PARD3: variants seen among roughly 807,000 people sequenced by gnomAD.
The protein encoded by PARD3 is partitioning defective 3 homolog.
In PARD3, 75 loss-of-function variants were observed where a neutral mutation model predicts 155.4. The observed-to-expected ratio is 0.48, with a 90% confidence interval of 0.40 to 0.58. The LOEUF is 0.58. Ranked by LOEUF, PARD3 falls within the 20% of genes least tolerant of loss-of-function variation. PARD3 has a pLI of 0.00. For synonymous variants in PARD3, 576 were observed against 610.5 expected, an observed-to-expected ratio of 0.94 and a Z score of 0.83; for missense variants, 1,642 against 1,721.7, an observed-to-expected ratio of 0.95 and a Z score of 0.82.
intron 2 of PARD3, among the ~76,000 whole-genome samples, chr10:34,596,047 A>AG (rs1196715262): frequency 1.3e-5 from 2 of 152,198 alleles, no homozygotes; most frequent in Admixed American, 6.5e-5. Context: ...AAACAATGGA[A>AG]GTGGGGAAGT....
chr10:34,310,805 G>T (rs1465559799), intron 20 of PARD3, among the ~76,000 whole-genome samples: 5 of 152,150 alleles, frequency 3.3e-5, no homozygotes, highest in African/African-American at 9.7e-5. Context: ...AAGTCCTTAG[G>T]ATTTACAAAT....
chr10:34,416,250 G>A (rs1172608369), intron 5 of PARD3, among the ~76,000 whole-genome samples: 1 of 152,166 alleles, frequency 6.6e-6, no homozygotes, highest in African/African-American at 2.4e-5. Context: ...AAGGAGCAGA[G>A]AGAGCCCCAC....
chr10:34,801,878 C>A (rs1156958873), intron 1 of PARD3, among the ~76,000 whole-genome samples: 1 of 152,154 alleles, frequency 6.6e-6, no homozygotes, highest in East Asian at 1.9e-4. Context: ...CACAGATTAT[C>A]TATTTGAGCT....
intron 20 of PARD3, among the ~76,000 whole-genome samples, chr10:34,305,557 C>T (rs191048731): frequency 4.5e-4 from 68 of 152,358 alleles, no homozygotes; most frequent in African/African-American, 1.5e-3. Context: ...AATTTTAACA[C>T]GAACTCTTTG....
At chr10:34,637,665 C>T (rs563410122) in intron 2 of PARD3, among the ~76,000 whole-genome samples, 2 of 152,324 alleles carry the variant, frequency 1.3e-5, no homozygotes, top group African/African-American at 4.8e-5. Flanking sequence ...CACGCTGCCC[C>T]CCAGTGGGCA....
At chr10:34,404,892 T>C (rs1266600488) in intron 5 of PARD3, among the ~76,000 whole-genome samples, 1 of 152,070 alleles carries the variant, frequency 6.6e-6, no homozygotes. Flanking sequence ...AAGACCAGCC[T>C]GGGCAACGTA....
intron 5 of PARD3, among the ~76,000 whole-genome samples, chr10:34,429,302 CAA>C (rs775095693): frequency 6.6e-6 from 1 of 151,802 alleles, no homozygotes; most frequent in Non-Finnish European, 1.5e-5. Flanking sequence ...GTTTTAGTGA[CAA>C]AGTTACTTCT....
intron 23 of PARD3, among the ~76,000 whole-genome samples, chr10:34,126,816 A>AT (rs1947312386): frequency 6.6e-6 from 1 of 150,444 alleles, no homozygotes; most frequent in African/African-American, 2.5e-5. Flanking sequence ...TTTCTTGAAA[A>AT]TGAAAAAAAA....
At chr10:34,653,951 T>C (rs967023716) in intron 2 of PARD3, among the ~76,000 whole-genome samples, 1 of 152,174 alleles carries the variant, frequency 6.6e-6, no homozygotes, top group Non-Finnish European at 1.5e-5. Context: ...AGAGAAATGT[T>C]TGTGCCCATG....
At chr10:34,509,804 A>G (rs761992539) in intron 3 of PARD3, among the ~76,000 whole-genome samples, 2 of 152,106 alleles carry the variant, frequency 1.3e-5, no homozygotes, top group Non-Finnish European at 2.9e-5. Flanking sequence ...AAAACAACAA[A>G]AAAAAAGCAT....
chr10:34,305,428 C>T (rs1957355684), intron 20 of PARD3, among the ~76,000 whole-genome samples: 1 of 152,248 alleles, frequency 6.6e-6, no homozygotes. Context: ...CTCATTTGCT[C>T]TGCAGCAGCT....
chr10:34,500,640 G>A (rs1417054604), intron 3 of PARD3, among the ~76,000 whole-genome samples: 1 of 152,120 alleles, frequency 6.6e-6, no homozygotes, highest in Non-Finnish European at 1.5e-5. Flanking sequence ...TACTCAGGAG[G>A]CTGAGGTGGG....
At chr10:34,420,773 A>G (rs1213613546) in intron 5 of PARD3, among the ~76,000 whole-genome samples, 1 of 152,232 alleles carries the variant, frequency 6.6e-6, no homozygotes, top group Non-Finnish European at 1.5e-5. Context: ...CAAATATGTA[A>G]GCATTAAATC....
In PARD3 at chr10:34,503,719, T is replaced by TA. The variant is rs2080864344; in HGVS notation, c.403+13259dup. 2.0e-5 allele frequency among the ~76,000 whole-genome samples: 3 copies of TA among 152,306 alleles called. No individual in the cohort carries two copies. The South Asian group carries it at 6.2e-4, about 32-fold the overall frequency. On this transcript the variant is annotated intron_variant, in intron 3 of 24. Transcript: ENST00000374788. ...TGAGGAGGAGTGGGAAAGTGACTTA[T>TA]AGCGGCTGTTTAATCCCTAGGGTAG...
At chr10:34,606,227 A>G (rs2090423617) in intron 2 of PARD3, among the ~76,000 whole-genome samples, 1 of 145,918 alleles carries the variant, frequency 6.9e-6, no homozygotes. Flanking sequence ...TGTCCCTTTA[A>G]TAGAACCCTG....
intron 2 of PARD3, among the ~76,000 whole-genome samples, chr10:34,655,940 C>T (rs1159874559): frequency 2.0e-5 from 3 of 152,156 alleles, no homozygotes; most frequent in Admixed American, 6.5e-5. Context: ...TTTTTAAATT[C>T]AGTTCTGAAC....
intron 1 of PARD3, among the ~76,000 whole-genome samples, chr10:34,792,526 CAG>C (rs1433226391): frequency 1.3e-5 from 2 of 152,218 alleles, no homozygotes; most frequent in Non-Finnish European, 2.9e-5. Flanking sequence ...TAAAAACACC[CAG>C]AGTCACAAAG....
chr10:34,664,765 C>T (rs1213634498), intron 2 of PARD3, among the ~76,000 whole-genome samples: 1 of 152,208 alleles, frequency 6.6e-6, no homozygotes, highest in Non-Finnish European at 1.5e-5. Flanking sequence ...AGATTACAGA[C>T]CTGAGCCACC....
At chr10:34,229,661 C>CGTGTGT (rs57319517) in intron 22 of PARD3, among the ~76,000 whole-genome samples, 159 of 145,734 alleles carry the variant, frequency 1.1e-3, no homozygotes, top group African/African-American at 3.4e-3. Flanking sequence ...GTTGAGGGTG[C>CGTGTGT]GTGTGTGTGT....
Sources: gnomAD v4.1 joint callset for allele counts (sites outside exome capture counted in the v4.1 genomes callset) on GRCh38, gnomAD v4.1.1 for gene constraint, MANE v1.5 for transcripts, NCBI Gene and HGNC (gene_info 2026-07-23, HGNC 2026-07-21) for gene names.